Variants in PDZD7 observed in about 807,000 individuals in gnomAD.
PDZD7 encodes the protein PDZ domain-containing protein 7.
Under a neutral mutation model 84.7 loss-of-function variants are expected in PDZD7, and 72 were observed. The ratio of observed to expected loss-of-function variants is 0.85; its 90% CI spans 0.70 to 1.03. The LOEUF is 1.03. Among genes scored for constraint, PDZD7 ranks in the 50% least tolerant of loss-of-function variants. PDZD7 has a pLI of 0.00. For synonymous variants in PDZD7, 594 were observed against 580.7 expected (o/e 1.02, Z -0.33); for missense variants, 1,490 against 1,412.9 (o/e 1.05, Z -0.87).
chr10:101,014,414 G>C (rs1489167326), intron 11 of PDZD7, among the ~76,000 whole-genome samples: 3 of 152,070 alleles, frequency 2.0e-5, no homozygotes. Flanking sequence ...AGAAGGGAGG[G>C]ATGAGGGAAA....
rs1029073752 is a variant in PDZD7, at chr10:101,010,691, G to A, written c.2198C>T (p.Thr733Ile). ...CACGGGGGGTAGCTGGGGAGGGGGT[G>A]TGCAGGCAATTCGGAGGGGGGTGAA... ...DAFTPLRIAC[T>I]PPPQLPPVAP... The change falls in exon 15 of 17, where the codon ACA becomes ATA. Residue 733 changes from threonine (T) to isoleucine (I), a missense_variant. Physicochemically the swap from Thr to Ile is moderately conservative, Grantham distance 89. Transcript: ENST00000619208. 1.4e-6 allele frequency: 2 copies of A among 1,415,000 alleles called. No individual in the cohort carries two copies. Among genetic ancestry groups the A allele is most frequent in the South Asian group, 1.2e-5 (1 of 82,610 alleles). 87.7% of individuals were successfully genotyped at this position (1,415,000 alleles called of 1,614,324 possible).
At chr10:101,018,056 T>A (rs753791476) in intron 9 of PDZD7, 43 bp downstream of exon 9, 2 of 1,613,134 alleles carry the variant, frequency 1.2e-6, no homozygotes, top group Non-Finnish European at 8.5e-7. Context: ...CCGAAGCTAG[T>A]GGACTTCACT....
chr10:101,030,364 T>G lies in PDZD7; in HGVS notation c.-145A>C. ...TGAAGGCCCTCGCTTGCGATGCCTCTCAGAAGTGTGAGCTCCAGGCCTGGG... is the reference window on the plus strand; with the variant it reads ...TGAAGGCCCTCGCTTGCGATGCCTCGCAGAAGTGTGAGCTCCAGGCCTGGG... On this transcript the variant is annotated 5_prime_UTR_variant, in exon 2 of 17. Transcript: ENST00000619208. 1.3e-6 allele frequency: 1 copy of G among 748,280 alleles called. No individual in the cohort carries two copies. The highest frequency in any genetic ancestry group is 2.3e-6 in the Non-Finnish European group (1 of 427,632). 46.4% of individuals were successfully genotyped at this position (748,280 alleles called of 1,614,324 possible).
rs1852290745 is a variant in PDZD7 at position 101,008,565 on chromosome 10, T to C, written c.3004A>G (p.Thr1002Ala). The change falls in exon 17 of 17, where the codon ACT becomes GCT. Residue 1002 changes from threonine (T) to alanine (A), a missense_variant. Thr to Ala is a moderately conservative substitution (Grantham distance 58). Coordinates refer to ENST00000619208, the MANE Select transcript of PDZD7 (RefSeq NM_001195263.2). ...EPPTNPQTPP[T>A]DARLLQPTPS... ...GTTGGCTGGAGGAGCCTGGCATCAG[T>C]GGGAGGAGTCTGGGGATTGGTGGGA... 6.5e-7 allele frequency: 1 copy of C among 1,534,670 alleles called. No homozygotes were observed. The highest frequency in any genetic ancestry group is 8.7e-7 in the Non-Finnish European group (1 of 1,146,418).
intron 2 of PDZD7, among the ~76,000 whole-genome samples, chr10:101,027,994 C>T (rs866776125): frequency 3.2e-4 from 48 of 152,052 alleles, no homozygotes; most frequent in African/African-American, 1.1e-3. Flanking sequence ...CTCATGGGGC[C>T]GATGTAGGTG....
chr10:101,017,821 A>T (rs1852717781), intron 9 of PDZD7: 1 of 384,138 alleles, frequency 2.6e-6, no homozygotes, highest in Non-Finnish European at 4.3e-6. Flanking sequence ...AAGAAAGGAA[A>T]GAAAGGAAGG....
In PDZD7 at chr10:101,030,007, G is replaced by T. The variant is rs759861723; in HGVS notation, c.213C>A (p.Asn71Lys). 1.2e-6 allele frequency: 2 copies of T among 1,612,804 alleles called. No individual in the cohort carries two copies. Among genetic ancestry groups the T allele is most frequent in the South Asian group, 2.2e-5 (2 of 91,036 alleles). Residue 71 changes from asparagine to lysine, a missense_variant, in exon 2 of 17, where the codon AAC (asparagine) becomes AAA (lysine). Transcript: ENST00000619208. ...SSPMGRVILI[N>K]SPIEANSDES... Reference sequence around the variant, plus strand: ...TCCCGCCCCTACCTTCGATGGGGGAGTTGATGAGGATGACGCGTCCCATGG... The same window carrying T: ...TCCCGCCCCTACCTTCGATGGGGGATTTGATGAGGATGACGCGTCCCATGG...
Position 101,008,833 on chromosome 10 carries a change from C to A in PDZD7, c.2736G>T (p.Val912=). The stretch of plus-strand genomic sequence containing the variant: ...GCTCTAGATTCTCTCCGTCCACTGC[C>A]ACAAGCTCGAAGCCAGCCTAGGGTG... The part of the protein sequence containing the change: ...SGALQAGFEL[V]AVDGENLEQV... Residue 912 remains valine, a synonymous_variant, in exon 17 of 17, where the codon GTG becomes GTT. Transcript: ENST00000619208. 1 of 1,504,656 alleles carries A rather than the reference C, an allele frequency of 6.6e-7. No homozygotes were observed. Among genetic ancestry groups the A allele is most frequent in the South Asian group, 1.3e-5 (1 of 79,888 alleles). The allele number at this position is 1,504,656 out of a possible 1,614,324, so 93.2% of individuals were successfully genotyped here.
chr10:101,015,599 AC>A, intron 11 of PDZD7, 36 bp downstream of exon 11: 2 of 1,535,266 alleles, frequency 1.3e-6, no homozygotes, highest in Non-Finnish European at 1.8e-6. Flanking sequence ...TGACTGAAGG[AC>A]CGTGTGCCAG....
In PDZD7 at chr10:101,008,650, G is replaced by T; in HGVS notation, c.2919C>A (p.His973Gln). 1 of 1,536,126 alleles carries T rather than the reference G, an allele frequency of 6.5e-7. No homozygotes were observed. The highest frequency in any genetic ancestry group is 8.7e-7 in the Non-Finnish European group (1 of 1,146,904). ...CATCAAGGGGTTGGTGGGCAGGCAA[G>T]TGGTCAGCAGGAAGGCCCCCATCAG... Reference protein sequence around the residue: ...ALTDGGLPADHLPAHQPLDAA... With the variant: ...ALTDGGLPADQLPAHQPLDAA... Residue 973 changes from histidine (H) to glutamine (Q), a missense_variant, in exon 17 of 17, where the codon CAC becomes CAA. Physicochemically the swap from His to Gln is conservative, Grantham distance 24. Coordinates refer to ENST00000619208, the MANE Select transcript of PDZD7 (RefSeq NM_001195263.2).
intron 6 of PDZD7, 122 bp from the exon 7 acceptor site, chr10:101,020,800 C>T: frequency 1.3e-6 from 1 of 747,650 alleles, no homozygotes; most frequent in South Asian, 1.6e-5. Flanking sequence ...CCAAATTCAT[C>T]ATGCTCTGGC....
chr10:101,008,745 G>C lies in PDZD7; in HGVS notation c.2824C>G (p.Pro942Ala). The C allele has an allele frequency of 6.5e-7, 1 of 1,535,904 alleles. No homozygotes were observed. The highest frequency in any genetic ancestry group is 2.4e-5 in the East Asian group (1 of 40,894). ...RRAYRNKARE[P>A]MELVVRVPGP... Reference sequence around the variant, plus strand: ...GGGACCCTGACCACAAGCTCCATGGGCTCCCGGGCCTTGTTTCGATAAGCC... The same window carrying C: ...GGGACCCTGACCACAAGCTCCATGGCCTCCCGGGCCTTGTTTCGATAAGCC... The change falls in exon 17 of 17, where the codon CCC (proline) becomes GCC (alanine). Residue 942 changes from proline (P) to alanine (A), a missense_variant. Physicochemically the swap from Pro to Ala is conservative, Grantham distance 27 (BLOSUM62 -1). Coordinates refer to ENST00000619208, the MANE Select transcript of PDZD7 (RefSeq NM_001195263.2).
Position 101,010,787 on chromosome 10 carries a change from G to T in PDZD7, c.2102C>A (p.Ser701Tyr), listed in dbSNP as rs1339963691. ...GTGGCGAGGGGCAGAGGCACTTGGGGAGACCTTGAGGGCCCCCAGCCGCTC... is the reference window on the plus strand; with the variant it reads ...GTGGCGAGGGGCAGAGGCACTTGGGTAGACCTTGAGGGCCCCCAGCCGCTC... ...LRERLGALKV[S>Y]PSASAPRHPH... Residue 701 changes from serine (S) to tyrosine (Y), a missense_variant, in exon 15 of 17, where the codon TCC (serine) becomes TAC (tyrosine). Ser to Tyr is a moderately radical substitution (Grantham distance 144). Transcript: ENST00000619208. 2 of 1,535,508 alleles carry T rather than the reference G, an allele frequency of 1.3e-6. No homozygotes were observed. Among genetic ancestry groups the T allele is most frequent in the South Asian group, 2.4e-5 (2 of 84,054 alleles).
chr10:101,015,779 T>C lies in PDZD7; in HGVS notation c.1606A>G (p.Arg536Gly). 2 of 1,549,542 alleles carry C rather than the reference T, an allele frequency of 1.3e-6. No individual in the cohort carries two copies. The highest frequency in any genetic ancestry group is 1.7e-6 in the Non-Finnish European group (2 of 1,146,822). Residue 536 changes from arginine to glycine, a missense_variant, in exon 11 of 17, where the codon AGG becomes GGG. Arg to Gly is a moderately radical substitution (Grantham distance 125, BLOSUM62 -2). Coordinates refer to ENST00000619208, the MANE Select transcript of PDZD7 (RefSeq NM_001195263.2). ...QERGRALLSA[R>G]SGSPSSQLPN... The stretch of plus-strand genomic sequence containing the variant: ...AGCTGGCTGGAGGGACTCCCAGACC[T>C]GGCAGACAGCAGGGCCCGGCCCCTC...
chr10:101,018,399 C>T lies in PDZD7; in HGVS notation c.1325-103G>A, dbSNP rs550471710. 7.7e-5 allele frequency: 97 copies of T among 1,252,856 alleles called. No homozygotes were observed. The East Asian group carries it at 1.9e-3, about 25-fold the overall frequency. 77.6% of individuals were successfully genotyped at this position (1,252,856 alleles called of 1,614,324 possible). ...GACAGAGAGAAGGGAGAGGAGAGGG[C>T]AGACAGGATCTGCAGCTACGCCGGG... is the stretch of plus-strand genomic sequence containing the variant. On this transcript the variant is annotated intron_variant, in intron 8 of 16. Coordinates refer to ENST00000619208, the MANE Select transcript of PDZD7 (RefSeq NM_001195263.2).
chr10:101,018,998 C>G lies in PDZD7; in HGVS notation c.1148G>C (p.Trp383Ser). Residue 383 changes from tryptophan to serine, a missense_variant, in exon 8 of 17, where the codon TGG (tryptophan) becomes TCG (serine). By Grantham distance (177) the Trp-to-Ser change is radical. Coordinates refer to ENST00000619208, the MANE Select transcript of PDZD7 (RefSeq NM_001195263.2). ...GATGACTGTGGGCCGCACGCTGCAC[C>G]AGGTCTCCACCCGGCCTCCCGCATC... ...EPDAGGRVET[W>S]CSVRPTVILR... The G allele has an allele frequency of 6.3e-7, 1 of 1,578,772 alleles. No individual in the cohort carries two copies. Among genetic ancestry groups the G allele is most frequent in the Non-Finnish European group, 8.6e-7 (1 of 1,164,076 alleles).
Position 101,030,099 on chromosome 10 carries a change from G to A in PDZD7, c.121C>T (p.Arg41Ter). 1 of 1,614,232 alleles carries A rather than the reference G, an allele frequency of 6.2e-7. No individual in the cohort carries two copies. Reference protein sequence around the residue: ...LGSDSGSTATRYLLRKQQRLL... With the variant: ...LGSDSGSTAT Reference sequence around the variant, plus strand: ...CGTTGTTGCTTCCTTAGCAGGTATCGCGTTGCGGTGGAGCCTGAGTCGCTG... The same window carrying A: ...CGTTGTTGCTTCCTTAGCAGGTATCACGTTGCGGTGGAGCCTGAGTCGCTG... The change falls in exon 2 of 17, where the codon CGA becomes TGA. Residue 41 changes from arginine to a stop codon, truncating the protein, a stop_gained. Transcript: ENST00000619208. LOFTEE classifies it high-confidence loss of function.
intron 11 of PDZD7, among the ~76,000 whole-genome samples, chr10:101,015,098 G>A (rs73349148): frequency 0.029 from 4,382 of 152,320 alleles, 224 homozygotes; most frequent in African/African-American, 0.099. Flanking sequence ...AACAGAGAAC[G>A]ACAGTTTAGG....
At chr10:101,022,517 T>G in intron 4 of PDZD7, 132 bp from the exon 5 acceptor site, 1 of 986,338 alleles carries the variant, frequency 1.0e-6, no homozygotes, top group Non-Finnish European at 1.5e-6. Context: ...AGACCTGCAG[T>G]GGGGCATAGG....
Sources: allele counts gnomAD v4.1 joint callset (sites outside exome capture counted in the v4.1 genomes callset), GRCh38; gene constraint gnomAD v4.1.1; transcripts MANE v1.5; gene names NCBI Gene and HGNC (gene_info 2026-07-23, HGNC 2026-07-21).